The following SNHG17 variants were observed in gnomAD, a reference collection of about 807,000 sequenced individuals.
The protein encoded by SNHG17 is small nucleolar RNA host gene 17, also known as small nucleolar RNA host gene 17 (non-protein coding).
intron 2 of SNHG17, chr20:38,431,207 C>G (rs1438693282): frequency 1.3e-5 from 2 of 152,210 alleles, no homozygotes; most frequent in African/African-American, 4.8e-5. Flanking sequence ...GAAAACACAC[C>G]AGGGGAATCA....
chr20:38,427,169 C>G (rs1425417204), intron 3 of SNHG17: 1 of 349,994 alleles, frequency 2.9e-6, no homozygotes, highest in Non-Finnish European at 5.8e-6. Flanking sequence ...TGATCTACCC[C>G]TCAGAACACA....
chr20:38,429,433 G>C lies in SNHG17; in HGVS notation n.380+1608C>G, dbSNP rs536453732. On this transcript the variant is annotated intron_variant and non_coding_transcript_variant, in intron 3 of 8. Transcript: ENST00000654008. ...ACAGGTTCAGCTTGGTGCAGGGGCT[G>C]GATAAGGACGTGGAAGGAGAGGTGT... is the stretch of plus-strand genomic sequence containing the variant. The C allele has an allele frequency of 3.0e-5, 7 of 234,346 alleles. No individual in the cohort carries two copies. The South Asian group carries it at 3.2e-4, about 11-fold the overall frequency. 14.5% of individuals were successfully genotyped at this position (234,346 alleles called of 1,614,324 possible).
At chr20:38,432,406 TGATGGGCAG>T (rs2084354438) in intron 2 of SNHG17, among the ~76,000 whole-genome samples, 1 of 152,182 alleles carries the variant, frequency 6.6e-6, no homozygotes, top group African/African-American at 2.4e-5. Context: ...GTAAGGGCTA[TGATGGGCAG>T]GATGGCCCAT....
chr20:38,428,627 G>A (rs1245288750), intron 3 of SNHG17: 1 of 152,236 alleles, frequency 6.6e-6, no homozygotes, highest in Non-Finnish European at 1.5e-5. Flanking sequence ...TTCTAAGGCA[G>A]GGATGATATC....
intron 1 of SNHG17, chr20:38,435,160 A>T: frequency 8.1e-7 from 1 of 1,232,214 alleles, no homozygotes; most frequent in Non-Finnish European, 1.0e-6. Context: ...CCCGATGGTG[A>T]GAGTGGAGCC....
chr20:38,431,376 G>A (rs45628740), intron 2 of SNHG17, among the ~76,000 whole-genome samples: 130 of 152,288 alleles, frequency 8.5e-4, no homozygotes, highest in Admixed American at 1.5e-3. Context: ...GACACAAGCA[G>A]CCTGTAATCA....
At chr20:38,429,582 C>G (rs2084306082) in intron 3 of SNHG17, 1 of 392,774 alleles carries the variant, frequency 2.5e-6, no homozygotes, top group Non-Finnish European at 4.9e-6. Context: ...CTCACAATAA[C>G]TGCCCTGGGC....
chr20:38,427,233 C>A (rs1318416761), intron 3 of SNHG17: 2 of 384,462 alleles, frequency 5.2e-6, no homozygotes, highest in African/African-American at 4.2e-5. Context: ...AGCATGATGC[C>A]CCCCCGCACT....
At chr20:38,424,355 C>A (rs1455736263) in intron 5 of SNHG17, among the ~76,000 whole-genome samples, 6 of 151,890 alleles carry the variant, frequency 4.0e-5, no homozygotes, top group African/African-American at 1.5e-4. Context: ...ATACCTATAG[C>A]ATATTGTCTC....
chr20:38,432,119 T>C, intron 2 of SNHG17: 1 of 985,424 alleles, frequency 1.0e-6, no homozygotes, highest in Non-Finnish European at 1.2e-6. Context: ...AGACATCACC[T>C]GGTCAAACCC....
At chr20:38,421,403 T>A (rs983604085) in intron 6 of SNHG17, 17 of 152,222 alleles carry the variant, frequency 1.1e-4, no homozygotes, top group African/African-American at 4.1e-4. Flanking sequence ...GTGGAAACAA[T>A]GTGGATTTCA....
chr20:38,433,819 A>G (rs2084378413), intron 2 of SNHG17: 1 of 518,994 alleles, frequency 1.9e-6, no homozygotes, highest in Non-Finnish European at 3.8e-6. Context: ...ACTCACTAAT[A>G]AGACACCAAG....
At chr20:38,431,880 C>T (rs1290696474) in intron 2 of SNHG17, 1 of 391,820 alleles carries the variant, frequency 2.6e-6, no homozygotes, top group Non-Finnish European at 3.5e-6. Flanking sequence ...AAACTGGGGC[C>T]AGCACAAAGA....
intron 3 of SNHG17, chr20:38,429,395 G>A (rs1370874581): frequency 5.2e-6 from 1 of 192,782 alleles, no homozygotes; most frequent in African/African-American, 2.4e-5. Flanking sequence ...AAACAAGTCA[G>A]GCAACAATTT....
intron 5 of SNHG17, among the ~76,000 whole-genome samples, chr20:38,424,035 G>A (rs1048313841): frequency 2.6e-5 from 4 of 152,062 alleles, no homozygotes; most frequent in Admixed American, 6.6e-5. Flanking sequence ...AGCTGGGCGT[G>A]GTGATGCACA....
chr20:38,423,544 C>T (rs2084194990), intron 5 of SNHG17, among the ~76,000 whole-genome samples: 1 of 127,786 alleles, frequency 7.8e-6, no homozygotes, highest in Non-Finnish European at 1.6e-5. Flanking sequence ...CTTATGTGTG[C>T]AATGTTAAAA....
intron 2 of SNHG17, among the ~76,000 whole-genome samples, chr20:38,434,214 C>T (rs1025410033): frequency 2.0e-5 from 3 of 152,246 alleles, no homozygotes; most frequent in African/African-American, 7.2e-5. Context: ...TGAGTATCTA[C>T]ACGTGGACAG....
At chr20:38,432,462 C>G (rs2084355272) in intron 2 of SNHG17, among the ~76,000 whole-genome samples, 1 of 152,196 alleles carries the variant, frequency 6.6e-6, no homozygotes, top group Non-Finnish European at 1.5e-5. Flanking sequence ...ACACATCTCA[C>G]TCTTCTATCA....
chr20:38,426,206 C>G (rs1282319379), intron 4 of SNHG17, among the ~76,000 whole-genome samples: 1 of 152,140 alleles, frequency 6.6e-6, no homozygotes, highest in African/African-American at 2.4e-5. Context: ...TAGGATGACT[C>G]AGAGCCCAAG....
Sources: allele counts gnomAD v4.1 joint callset (sites outside exome capture counted in the v4.1 genomes callset), GRCh38; gene constraint gnomAD v4.1.1; transcripts MANE v1.5; gene names NCBI Gene and HGNC (gene_info 2026-07-23, HGNC 2026-07-21).